Variants in UGT2B4 observed in about 807,000 individuals in gnomAD.
The protein encoded by UGT2B4 is UDP-glucuronosyltransferase 2B4.
Under a neutral mutation model 49.8 loss-of-function variants are expected in UGT2B4, and 49 were observed. The ratio of observed to expected loss-of-function variants is 0.98; its 90% CI spans 0.78 to 1.25. The LOEUF (loss-of-function observed/expected upper bound fraction) is 1.25, where lower values mean the gene tolerates loss of function less well. UGT2B4 is among the 50% of genes most tolerant of loss of function. The pLI is 0.00. For synonymous variants in UGT2B4, 246 were observed against 217.7 expected, an observed-to-expected ratio of 1.13 and a Z score of -1.14; for missense variants, 729 against 627.7, an observed-to-expected ratio of 1.16 and a Z score of -1.73.
chr4:69,500,509 A>G (rs1728272909), upstream of UGT2B4, among the ~76,000 whole-genome samples: 1 of 150,844 alleles, frequency 6.6e-6, no homozygotes, highest in African/African-American at 2.4e-5. Flanking sequence ...AGAAAGAAGG[A>G]AGGAAGGAAA....
chr4:69,511,734 T>C (rs1728609449), intron 1 of UGT2B4, among the ~76,000 whole-genome samples: 1 of 152,150 alleles, frequency 6.6e-6, no homozygotes, highest in African/African-American at 2.4e-5. Flanking sequence ...GAAAAGATTA[T>C]AAAGAAAAAG....
intron 1 of UGT2B4, among the ~76,000 whole-genome samples, chr4:69,524,102 C>T (rs1728907670): frequency 6.8e-6 from 1 of 146,332 alleles, no homozygotes. Flanking sequence ...AAATTTTCTT[C>T]ACGTCAGCGA....
intron 1 of UGT2B4, among the ~76,000 whole-genome samples, chr4:69,516,051 C>G (rs1003240890): frequency 6.6e-6 from 1 of 152,076 alleles, no homozygotes; most frequent in Non-Finnish European, 1.5e-5. Flanking sequence ...ATGTCTGTGT[C>G]TTCTCATCGT....
chr4:69,481,782 T>C (rs1727598919), intron 5 of UGT2B4, among the ~76,000 whole-genome samples: 1 of 152,188 alleles, frequency 6.6e-6, no homozygotes, highest in Non-Finnish European at 1.5e-5. Flanking sequence ...ATTATCATCT[T>C]TAAGTTTCTA....
At chr4:69,524,699 GA>G (rs2109836816) in intron 1 of UGT2B4, among the ~76,000 whole-genome samples, 1 of 3,200 alleles carries the variant, frequency 3.1e-4, no homozygotes, top group Admixed American at 3.6e-3. Context: ...CTCAACTTAT[GA>G]GAAAAAAAAA....
chr4:69,508,886 C>T (rs769366538), intron 1 of UGT2B4, among the ~76,000 whole-genome samples: 11 of 152,086 alleles, frequency 7.2e-5, no homozygotes, highest in Non-Finnish European at 1.6e-4. Context: ...AAATACAATA[C>T]TGTTAAGTAT....
chr4:69,507,205 A>T (rs1014520060), intron 1 of UGT2B4, among the ~76,000 whole-genome samples: 10 of 152,318 alleles, frequency 6.6e-5, no homozygotes, highest in Non-Finnish European at 1.5e-4. Flanking sequence ...TCAACATAGT[A>T]TTGGAAGTTC....
chr4:69,525,641 C>A, intron 1 of UGT2B4: 1 of 1,205,800 alleles, frequency 8.3e-7, no homozygotes, highest in South Asian at 1.3e-5. Context: ...TATGCACCTG[C>A]CATTTTTTCA....
intron 1 of UGT2B4, among the ~76,000 whole-genome samples, chr4:69,502,106 T>TTTC (rs1491506591): frequency 4.2e-4 from 48 of 114,180 alleles, no homozygotes; most frequent in African/African-American, 1.9e-3. Flanking sequence ...TCTTTCTTTC[T>TTTC]TTCTTTCTTT....
rs758118729 is a variant in UGT2B4 at position 69,480,740 on chromosome 4, G to A, written c.1481C>T (p.Thr494Ile). Reference protein sequence around the residue: ...TWFQYHSLDVTGFLLACVATV... With the variant: ...TWFQYHSLDVIGFLLACVATV... The stretch of plus-strand genomic sequence containing the variant: ...TGCCACACAGGCCAGCAGGAACCCA[G>A]TCACATCCAAAGAGTGGTACTGGAA... The change falls in exon 6 of 6, where the codon ACT (threonine) becomes ATT (isoleucine). Residue 494 changes from threonine (T) to isoleucine (I), a missense_variant. Coordinates refer to ENST00000305107, the MANE Select transcript of UGT2B4 (RefSeq NM_021139.3). 5 of 1,613,878 alleles carry A rather than the reference G, an allele frequency of 3.1e-6. No homozygotes were observed. The highest frequency in any genetic ancestry group is 3.4e-6 in the Non-Finnish European group (4 of 1,179,938).
At chr4:69,493,246 C>T (rs1417396200) in intron 2 of UGT2B4, among the ~76,000 whole-genome samples, 1 of 152,084 alleles carries the variant, frequency 6.6e-6, no homozygotes, top group Non-Finnish European at 1.5e-5. Flanking sequence ...CTATTATCTA[C>T]ACTGGATGCT....
intron 1 of UGT2B4, among the ~76,000 whole-genome samples, chr4:69,506,296 T>G (rs780071463): frequency 1.3e-5 from 2 of 151,926 alleles, no homozygotes; most frequent in Non-Finnish European, 2.9e-5. Flanking sequence ...AATCTGGGTA[T>G]TTTTTTGAAA....
At chr4:69,508,824 A>G (rs1207534110) in intron 1 of UGT2B4, among the ~76,000 whole-genome samples, 2 of 152,166 alleles carry the variant, frequency 1.3e-5, no homozygotes, top group Non-Finnish European at 2.9e-5. Flanking sequence ...ACCTATATAA[A>G]CCTGTACATG....
chr4:69,524,765 A>T (rs1025759093), intron 1 of UGT2B4, among the ~76,000 whole-genome samples: 2 of 152,096 alleles, frequency 1.3e-5, no homozygotes, highest in Non-Finnish European at 2.9e-5. Context: ...AGGTATGCTT[A>T]TCCTATGAAG....
intron 3 of UGT2B4, among the ~76,000 whole-genome samples, chr4:69,488,357 A>C (rs1050624159): frequency 6.6e-6 from 1 of 152,130 alleles, no homozygotes; most frequent in Non-Finnish European, 1.5e-5. Flanking sequence ...AGACATTTTT[A>C]TGTTTAAGTT....
chr4:69,483,739 G>T (rs2083961342), intron 5 of UGT2B4, among the ~76,000 whole-genome samples: 1 of 151,934 alleles, frequency 6.6e-6, no homozygotes, highest in Non-Finnish European at 1.5e-5. Flanking sequence ...ATAGTAGCTG[G>T]GTTGGGCAAG....
At chr4:69,494,830 C>CT (rs574520985) in intron 1 of UGT2B4, among the ~76,000 whole-genome samples, 84 of 152,056 alleles carry the variant, frequency 5.5e-4, no homozygotes, top group African/African-American at 1.8e-3. Context: ...ATAAGTCTGA[C>CT]TTTTTTTTAA....
At chr4:69,508,070 T>C (rs544358713) in intron 1 of UGT2B4, among the ~76,000 whole-genome samples, 1 of 152,278 alleles carries the variant, frequency 6.6e-6, no homozygotes, top group South Asian at 2.1e-4. Context: ...AAGATATACC[T>C]GCATCCAGCA....
At chr4:69,482,205 T>C (rs1727613219) in intron 5 of UGT2B4, among the ~76,000 whole-genome samples, 1 of 152,210 alleles carries the variant, frequency 6.6e-6, no homozygotes, top group South Asian at 2.1e-4. Flanking sequence ...CTCTAAATGT[T>C]ACCAATAAGA....
Sources: allele counts gnomAD v4.1 joint callset (sites outside exome capture counted in the v4.1 genomes callset), GRCh38; gene constraint gnomAD v4.1.1; transcripts MANE v1.5; gene names NCBI Gene and HGNC (gene_info 2026-07-23, HGNC 2026-07-21).